Variants in FREM2 observed in about 807,000 individuals in gnomAD.
FREM2 encodes the protein FRAS1-related extracellular matrix protein 2.
Under a neutral mutation model 219.9 loss-of-function variants are expected in FREM2, and 119 were observed. The ratio of observed to expected loss-of-function variants is 0.54; its 90% CI spans 0.47 to 0.63. FREM2 has a LOEUF of 0.63. Ranked by LOEUF, FREM2 falls within the 30% of genes least tolerant of loss-of-function variation. The probability of loss-of-function intolerance (pLI) is 0.00; values close to 1 mark genes in which losing one functional copy is unlikely to be tolerated. For synonymous variants in FREM2, 1,562 were observed against 1,522.8 expected (o/e 1.03, Z -0.60); for missense variants, 4,030 against 3,993.6 (o/e 1.01, Z -0.25).
chr13:38,751,318 A>T (rs1277117456), intron 2 of FREM2, among the ~76,000 whole-genome samples: 4 of 151,902 alleles, frequency 2.6e-5, no homozygotes, highest in African/African-American at 9.7e-5. Flanking sequence ...GCTGTCTCCA[A>T]ATCAATATTT....
chr13:38,842,133 A>G (rs986233579), intron 6 of FREM2, among the ~76,000 whole-genome samples: 2 of 152,214 alleles, frequency 1.3e-5, no homozygotes, highest in Admixed American at 6.5e-5. Context: ...CATTCAAGAT[A>G]CTGGATTGTT....
intron 16 of FREM2, among the ~76,000 whole-genome samples, chr13:38,872,385 A>G (rs1320186561): frequency 2.0e-5 from 3 of 152,146 alleles, no homozygotes; most frequent in African/African-American, 7.2e-5. Context: ...CAGCTCCTTA[A>G]ATATACTAAG....
At chr13:38,770,721 A>G (rs2137816131) in intron 4 of FREM2, among the ~76,000 whole-genome samples, 1 of 129,868 alleles carries the variant, frequency 7.7e-6, no homozygotes, top group South Asian at 2.5e-4. Flanking sequence ...TTTCTGTCAG[A>G]TTACATTTTC....
intron 6 of FREM2, among the ~76,000 whole-genome samples, chr13:38,810,260 CA>C (rs1281727555): frequency 6.6e-6 from 1 of 151,640 alleles, no homozygotes; most frequent in East Asian, 1.9e-4. Flanking sequence ...ATATCATCTG[CA>C]AAAAAAGGAA....
At chr13:38,850,315 A>T in intron 9 of FREM2, 80 bp downstream of exon 9, 1 of 1,156,968 alleles carries the variant, frequency 8.6e-7, no homozygotes, top group Non-Finnish European at 1.3e-6. Flanking sequence ...GGGAAATACA[A>T]GTTCCTCGAT....
chr13:38,875,912 A>G, intron 18 of FREM2, 110 bp from the exon 19 acceptor site: 1 of 1,077,882 alleles, frequency 9.3e-7, no homozygotes, highest in Non-Finnish European at 1.4e-6. Flanking sequence ...GCCTTCTTAT[A>G]AAAACAGAAG....
At chr13:38,775,413 G>A (rs1042335212) in intron 4 of FREM2, among the ~76,000 whole-genome samples, 1 of 152,172 alleles carries the variant, frequency 6.6e-6, no homozygotes, top group Admixed American at 6.5e-5. Flanking sequence ...GAAACTATCA[G>A]TGTGAAGCAT....
At chr13:38,694,063 A>AT (rs2138075016) in intron 1 of FREM2, among the ~76,000 whole-genome samples, 1 of 152,316 alleles carries the variant, frequency 6.6e-6, no homozygotes, top group African/African-American at 2.4e-5. Context: ...TGATTTAGAG[A>AT]TTTTTAAAAG....
At chr13:38,719,731 AACATGT>A (rs1394604085) in intron 2 of FREM2, among the ~76,000 whole-genome samples, 4 of 152,212 alleles carry the variant, frequency 2.6e-5, no homozygotes, top group East Asian at 1.9e-4. Flanking sequence ...CATGGGTCAG[AACATGT>A]ACATTTTGGG....
chr13:38,691,772 T>A lies in FREM2; in HGVS notation c.4428T>A (p.Gly1476=). ...ACCTGGAATGCACGGATCAGCCTGG[T>A]GTGTCCATCACGTCTTTCACTCAGC... The part of the protein sequence containing the change: ...RGHLECTDQP[G]VSITSFTQLQ... The change falls in exon 1 of 24, where the codon GGT becomes GGA. Residue 1476 remains glycine, a synonymous_variant. Transcript: ENST00000280481. 1 of 1,614,160 alleles carries A rather than the reference T, an allele frequency of 6.2e-7. No homozygotes were observed. The highest frequency in any genetic ancestry group is 8.5e-7 in the Non-Finnish European group (1 of 1,180,034).
At chr13:38,874,835 T>C (rs908659069) in intron 18 of FREM2, among the ~76,000 whole-genome samples, 12 of 152,188 alleles carry the variant, frequency 7.9e-5, no homozygotes, top group Admixed American at 2.0e-4. Context: ...GGAAACCCTA[T>C]TGAGTTCATT....
chr13:38,877,247 T>C lies in FREM2; in HGVS notation c.8671+4T>C. ...AGTGATGTTGCTTTTGCAGAAGGTATCACTTTACAAATGAGAGGGATGCTC... is the reference window on the plus strand; with the variant it reads ...AGTGATGTTGCTTTTGCAGAAGGTACCACTTTACAAATGAGAGGGATGCTC... On this transcript the variant is annotated splice_donor_region_variant and intron_variant, in intron 21 of 23. Coordinates refer to ENST00000280481, the MANE Select transcript of FREM2 (RefSeq NM_207361.6). The C allele has an allele frequency of 1.9e-6, 3 of 1,613,966 alleles. No individual in the cohort carries two copies. The highest frequency in any genetic ancestry group is 2.5e-6 in the Non-Finnish European group (3 of 1,179,856).
chr13:38,765,616 C>T (rs367957927), intron 3 of FREM2, among the ~76,000 whole-genome samples: 72 of 152,180 alleles, frequency 4.7e-4, no homozygotes, highest in African/African-American at 1.6e-3. Flanking sequence ...CCACACATCC[C>T]GCTGTAATTT....
chr13:38,712,141 G>T (rs1870799817), intron 2 of FREM2, among the ~76,000 whole-genome samples: 1 of 151,670 alleles, frequency 6.6e-6, no homozygotes, highest in African/African-American at 2.4e-5. Flanking sequence ...TGATCCACCT[G>T]CCTCGGCCCC....
intron 2 of FREM2, among the ~76,000 whole-genome samples, chr13:38,716,768 A>G (rs1871019603): frequency 6.6e-6 from 1 of 152,174 alleles, no homozygotes; most frequent in African/African-American, 2.4e-5. Context: ...TCGGCCTCCC[A>G]AAGTGCTGGG....
chr13:38,757,365 A>T (rs1309902844), intron 2 of FREM2, among the ~76,000 whole-genome samples: 1 of 152,178 alleles, frequency 6.6e-6, no homozygotes, highest in East Asian at 1.9e-4. Flanking sequence ...TTGTCTGAAT[A>T]TTGAGTAGAG....
rs998873669 is a variant in FREM2, at chr13:38,739,539, A to G, written c.5264-24765A>G. Among the ~76,000 whole-genome samples, 9 of 152,206 alleles carry G rather than the reference A, an allele frequency of 5.9e-5. 1 individual carries two copies. The highest frequency in any genetic ancestry group is 1.3e-4 in the Non-Finnish European group (9 of 68,034). ...CACCTATGGTTGGCTTCCTTTGTCC[A>G]TACTGTTCTTCCTAGAAAGTATGAG... On this transcript the variant is annotated intron_variant, in intron 2 of 23. Transcript: ENST00000280481.
In FREM2 at chr13:38,733,871, A is replaced by G. The variant is rs77567340; in HGVS notation, c.5264-30433A>G. Among the ~76,000 whole-genome samples the G allele has an allele frequency of 7.2e-3, 1,103 of 152,314 alleles. 23 individuals carry two copies. The highest frequency in any genetic ancestry group is 0.026 in the African/African-American group (1,070 of 41,564). ...GCTAAATACTGCTGATATTTATTTT[A>G]TGGAAATATAAGCTGCCTGCATTTG... On this transcript the variant is annotated intron_variant, in intron 2 of 23. Transcript: ENST00000280481.
intron 6 of FREM2, among the ~76,000 whole-genome samples, chr13:38,836,594 G>A (rs576642387): frequency 2.0e-5 from 3 of 152,172 alleles, no homozygotes; most frequent in East Asian, 3.9e-4. Flanking sequence ...TTGGTTTGTA[G>A]GCTATTAATT....
Sources: allele counts gnomAD v4.1 joint callset (sites outside exome capture counted in the v4.1 genomes callset), GRCh38; gene constraint gnomAD v4.1.1; transcripts MANE v1.5; gene names NCBI Gene and HGNC (gene_info 2026-07-23, HGNC 2026-07-21).